Variants in ARRB2 observed in about 807,000 individuals in gnomAD.
ARRB2 encodes the protein beta-arrestin-2.
In ARRB2, 21 loss-of-function variants were observed where a neutral mutation model predicts 53.4. The observed-to-expected ratio is 0.39, with a 90% CI of 0.28 to 0.57. ARRB2 has a LOEUF of 0.57. Among genes scored for constraint, ARRB2 ranks in the 20% least tolerant of loss-of-function variants. ARRB2 has a pLI of 0.55. For missense variants in ARRB2, 369 were observed against 527.5 expected (o/e 0.70, Z 2.94); for synonymous variants, 180 against 212.9 (o/e 0.85, Z 1.34).
chr17:4,715,368 C>T (rs1331328426), intron 2 of ARRB2: 2 of 408,092 alleles, frequency 4.9e-6, no homozygotes, highest in African/African-American at 2.0e-5. Flanking sequence ...TAACAGCCCC[C>T]GGGCTATGGC....
rs1388420826 is a variant in ARRB2, at chr17:4,717,995, T to G, written c.593T>G (p.Leu198Arg). 6.2e-7 allele frequency: 1 copy of G among 1,613,598 alleles called. No homozygotes were observed. The highest frequency in any genetic ancestry group is 8.5e-7 in the Non-Finnish European group (1 of 1,180,016). The change falls in exon 8 of 15, where the codon CTG (leucine) becomes CGG (arginine). Residue 198 changes from leucine (L) to arginine (R), a missense_variant. Physicochemically the swap from Leu to Arg is moderately radical, Grantham distance 102. Coordinates refer to ENST00000269260, the MANE Select transcript of ARRB2 (RefSeq NM_004313.4). The surrounding 1 kb of genome is among the most constrained non-coding windows in gnomAD (Gnocchi z 6.0). ...TRHFLMSDRS[L>R]HLEASLDKEL... ...CACTTCCTCATGTCTGACCGGTCCC[T>G]GCACCTCGAGGCTTCCCTGGACAAG...
intron 2 of ARRB2, chr17:4,715,486 G>GACACACACACACACACAGAC (rs751919519): frequency 0.052 from 6,997 of 133,298 alleles, 270 homozygotes; most frequent in Middle Eastern, 0.1. Flanking sequence ...CACACACACA[G>GACACACACACACACACAGAC]ACACACACAC....
chr17:4,720,856 C>G, intron 14 of ARRB2, 90 bp from the exon 15 acceptor site: 2 of 1,390,436 alleles, frequency 1.4e-6, no homozygotes, highest in East Asian at 2.3e-5. Flanking sequence ...GCCTCTGTCC[C>G]AGAGGCCTAG....
chr17:4,718,370 G>T, intron 9 of ARRB2, 25 bp downstream of exon 9: 1 of 1,596,934 alleles, frequency 6.3e-7, no homozygotes, highest in South Asian at 1.1e-5. Flanking sequence ...TTGGAAGGGG[G>T]TCTTCGGGGA....
intron 11 of ARRB2, 110 bp from the exon 12 acceptor site, chr17:4,720,106 G>A: frequency 1.8e-6 from 2 of 1,130,224 alleles, no homozygotes; most frequent in Non-Finnish European, 2.6e-6. Flanking sequence ...CTGGGGCCCT[G>A]GGGGCCTGTG....
chr17:4,716,729 A>G, intron 5 of ARRB2, 121 bp downstream of exon 5: 1 of 1,449,254 alleles, frequency 6.9e-7, no homozygotes, highest in Non-Finnish European at 9.0e-7. Context: ...CCCTAGATCC[A>G]CTTCCCTTCA....
chr17:4,716,671 G>A (rs892186789), intron 5 of ARRB2, 63 bp downstream of exon 5: 7 of 1,531,162 alleles, frequency 4.6e-6, no homozygotes, highest in Non-Finnish European at 6.1e-6. Flanking sequence ...CTGGGGTGGG[G>A]GTAAGGCACT....
Position 4,720,308 on chromosome 17 carries a change from C to G in ARRB2, c.1001+9C>G. 2 of 1,613,880 alleles carry G rather than the reference C, an allele frequency of 1.2e-6. No homozygotes were observed. The highest frequency in any genetic ancestry group is 1.7e-6 in the Non-Finnish European group (2 of 1,179,942). On this transcript the variant is annotated intron_variant, in intron 12 of 14. Transcript: ENST00000269260. ...GTGGTGTCTCGAGGCGGGTGAGTGTCATGGGGGAGCCTGGGTGGGGGTCAC... is the reference window on the plus strand; with the variant it reads ...GTGGTGTCTCGAGGCGGGTGAGTGTGATGGGGGAGCCTGGGTGGGGGTCAC...
chr17:4,719,217 G>C, intron 10 of ARRB2, 66 bp from the exon 11 acceptor site: 1 of 1,561,216 alleles, frequency 6.4e-7, no homozygotes, highest in Admixed American at 1.8e-5. Flanking sequence ...CTGCTTGGGG[G>C]TCATAGGCCG....
In ARRB2 at chr17:4,721,047, G is replaced by C. The variant is rs1915647843; in HGVS notation, c.*8G>C. ...GATGATCAACTCTGCTAGGAAGCGGGGTGGGAAGAAGGGAGGGGATGGGGT... is the reference window on the plus strand; with the variant it reads ...GATGATCAACTCTGCTAGGAAGCGGCGTGGGAAGAAGGGAGGGGATGGGGT... On this transcript the variant is annotated 3_prime_UTR_variant, in exon 15 of 15. Coordinates refer to ENST00000269260, the MANE Select transcript of ARRB2 (RefSeq NM_004313.4). This position sits in a 1 kb window ranked among gnomAD's most constrained non-coding sequence, Gnocchi z 4.2. 3.7e-6 allele frequency: 6 copies of C among 1,613,524 alleles called. No individual in the cohort carries two copies. Among genetic ancestry groups the C allele is most frequent in the Non-Finnish European group, 5.1e-6 (6 of 1,179,528 alleles).
chr17:4,715,811 C>A (rs527786113), intron 2 of ARRB2, 162 bp from the exon 3 acceptor site: 5 of 756,416 alleles, frequency 6.6e-6, no homozygotes, highest in African/African-American at 3.5e-5. Context: ...GTCTGAGAAA[C>A]GCCACCACCC....
At position 4,717,911 on chromosome 17, in the gene ARRB2, G is replaced by A. The variant is rs758418471; in HGVS notation, c.509G>A (p.Arg170Gln). ...HKRNSVRLVI[R>Q]KVQFAPEKPG... Reference sequence around the variant, plus strand: ...AGGAACTCTGTGCGGCTGGTGATCCGAAAGGTGCAGTTCGCCCCGGAGAAA... The same window carrying A: ...AGGAACTCTGTGCGGCTGGTGATCCAAAAGGTGCAGTTCGCCCCGGAGAAA... Residue 170 changes from arginine (R) to glutamine (Q), a missense_variant, in exon 8 of 15, where the codon CGA (arginine) becomes CAA (glutamine). Physicochemically the swap from Arg to Gln is conservative, Grantham distance 43. Transcript: ENST00000269260. This position sits in a 1 kb window ranked among gnomAD's most constrained non-coding sequence, Gnocchi z 6.0. 11 of 1,613,824 alleles carry A rather than the reference G, an allele frequency of 6.8e-6. No individual in the cohort carries two copies. The highest frequency in any genetic ancestry group is 5.5e-5 in the South Asian group (5 of 91,086).
chr17:4,718,120 G>C (rs534757848), intron 8 of ARRB2, 97 bp downstream of exon 8: 1 of 1,575,834 alleles, frequency 6.3e-7, no homozygotes, highest in Non-Finnish European at 8.6e-7. Context: ...AAAGGAGGTT[G>C]CCTTGGCTGG....
In ARRB2 at chr17:4,716,174, A is replaced by C; in HGVS notation, c.143A>C (p.Tyr48Ser). 1 of 1,613,998 alleles carries C rather than the reference A, an allele frequency of 6.2e-7. No homozygotes were observed. The highest frequency in any genetic ancestry group is 8.5e-7 in the Non-Finnish European group (1 of 1,179,992). ...GGCGTGGTGCTTGTGGACCCTGACT[A>C]CCTGAAGGACCGCAAAGGTACTGGC... ...VDGVVLVDPD[Y>S]LKDRKVFVTL... Residue 48 changes from tyrosine (Y) to serine (S), a missense_variant, in exon 4 of 15, where the codon TAC becomes TCC. Coordinates refer to ENST00000269260, the MANE Select transcript of ARRB2 (RefSeq NM_004313.4).
At chr17:4,719,960 G>A (rs991513064) in intron 11 of ARRB2, among the ~76,000 whole-genome samples, 4 of 152,212 alleles carry the variant, frequency 2.6e-5, no homozygotes, top group African/African-American at 9.7e-5. Flanking sequence ...AGGAGGTGAG[G>A]TCAGGGGCTA....
intron 1 of ARRB2, 61 bp downstream of exon 1, chr17:4,710,805 G>A (rs886427394): frequency 2.5e-6 from 1 of 398,084 alleles, no homozygotes; most frequent in Admixed American, 4.4e-5. Context: ...GGGCTGGGAC[G>A]GTCCCAGACG....
At position 4,720,448 on chromosome 17, in the gene ARRB2, A is replaced by G. The variant is rs755851814; in HGVS notation, c.1057A>G (p.Ile353Val). 43 of 1,611,750 alleles carry G rather than the reference A, an allele frequency of 2.7e-5. No homozygotes were observed. The highest frequency in any genetic ancestry group is 3.2e-5 in the Non-Finnish European group (38 of 1,179,174). Residue 353 changes from isoleucine (I) to valine (V), a missense_variant, in exon 13 of 15, where the codon ATC becomes GTC. Ile to Val is a conservative substitution (Grantham distance 29). Transcript: ENST00000269260. Reference sequence around the variant, plus strand: ...TATGCACCCCAAGCCCCACGACCACATCCCCCTCCCCAGACCCCAGTCAGG... The same window carrying G: ...TATGCACCCCAAGCCCCACGACCACGTCCCCCTCCCCAGACCCCAGTCAGG... ...VLMHPKPHDHIPLPRPQSAAP... is the reference protein window; with the variant it reads ...VLMHPKPHDHVPLPRPQSAAP...
At position 4,716,130 on chromosome 17, in the gene ARRB2, G is replaced by A; in HGVS notation, c.116-17G>A. The A allele has an allele frequency of 1.4e-5, 22 of 1,614,228 alleles. No individual in the cohort carries two copies. The highest frequency in any genetic ancestry group is 1.7e-5 in the Non-Finnish European group (20 of 1,180,038). On this transcript the variant is annotated splice_polypyrimidine_tract_variant and intron_variant, in intron 3 of 14. Transcript: ENST00000269260. Reference sequence around the variant, plus strand: ...AGCGGCCCTTTCAGGAAGTGAGCTGGTGTGTCCCCCTCCTAGATGGCGTGG... The same window carrying A: ...AGCGGCCCTTTCAGGAAGTGAGCTGATGTGTCCCCCTCCTAGATGGCGTGG...
intron 10 of ARRB2, 100 bp from the exon 11 acceptor site, chr17:4,719,183 C>T (rs1490828940): frequency 7.0e-7 from 1 of 1,425,600 alleles, no homozygotes; most frequent in Non-Finnish European, 9.5e-7. Context: ...CCCAAAGAAA[C>T]AAGGGACTAG....
Sources: allele counts gnomAD v4.1 joint callset (sites outside exome capture counted in the v4.1 genomes callset), GRCh38; gene constraint gnomAD v4.1.1; non-coding constraint Gnocchi (gnomAD v3.1); transcripts MANE v1.5; gene names NCBI Gene and HGNC (gene_info 2026-07-23, HGNC 2026-07-21).